GMDS: variants seen among roughly 807,000 people sequenced by gnomAD.
The protein encoded by GMDS is GDP-mannose 4,6-dehydratase, also known as GDP-mannose 4,6 dehydratase.
Under a neutral mutation model 49.9 loss-of-function variants are expected in GMDS, and 20 were observed. The ratio of observed to expected loss-of-function variants is 0.40; its 90% CI spans 0.28 to 0.58. GMDS has a LOEUF of 0.58. GMDS is among the 20% of genes least tolerant of loss of function. GMDS has a pLI of 0.42. For missense variants in GMDS, 362 were observed against 481.4 expected (o/e 0.75, Z 2.32); for synonymous variants, 177 against 178.6 (o/e 0.99, Z 0.07).
intron 4 of GMDS, among the ~76,000 whole-genome samples, chr6:2,114,209 G>A (rs1337048011): frequency 6.6e-6 from 1 of 152,154 alleles, no homozygotes; most frequent in African/African-American, 2.4e-5. Context: ...GCTCCTAGAG[G>A]TGATAAACTA....
intron 1 of GMDS, among the ~76,000 whole-genome samples, chr6:2,181,335 T>C (rs1778521104): frequency 6.6e-6 from 1 of 152,212 alleles, no homozygotes; most frequent in Non-Finnish European, 1.5e-5. Context: ...AGATGGCATC[T>C]GTATTCACCC....
chr6:1,650,207 A>C (rs1431488431), intron 9 of GMDS, among the ~76,000 whole-genome samples: 2 of 152,000 alleles, frequency 1.3e-5, no homozygotes, highest in African/African-American at 4.8e-5. Context: ...TCGTACCAAG[A>C]GTTTTAACTT....
At chr6:2,201,952 A>C (rs1779559155) in intron 1 of GMDS, among the ~76,000 whole-genome samples, 2 of 131,990 alleles carry the variant, frequency 1.5e-5, no homozygotes, top group East Asian at 2.4e-4. Context: ...CCGAGATGAA[A>C]CCATCTAGGC....
chr6:2,058,399 T>TA (rs1199781990), intron 4 of GMDS, among the ~76,000 whole-genome samples: 2 of 148,148 alleles, frequency 1.3e-5, no homozygotes, highest in Non-Finnish European at 3.0e-5. Flanking sequence ...AAAATGTCCC[T>TA]AAAAAAGATA....
intron 7 of GMDS, among the ~76,000 whole-genome samples, chr6:1,827,322 CGTTTTAGAAAACCTGT>C (rs1561830896): frequency 6.6e-5 from 10 of 150,782 alleles, no homozygotes; most frequent in East Asian, 3.9e-4. Context: ...TATATACACA[CGTTTTAGAAAACCTGT>C]ATATACACAC....
chr6:1,993,519 A>G (rs1049542333), intron 4 of GMDS, among the ~76,000 whole-genome samples: 3 of 152,250 alleles, frequency 2.0e-5, no homozygotes, highest in South Asian at 4.1e-4. Context: ...CTGCTAAAAG[A>G]AAAAAGAAAA....
chr6:2,007,689 T>C (rs1174412449), intron 4 of GMDS, among the ~76,000 whole-genome samples: 1 of 152,218 alleles, frequency 6.6e-6, no homozygotes, highest in Non-Finnish European at 1.5e-5. Context: ...GTTTCCTCAC[T>C]ATGTTCTCAA....
rs373980325 is a variant in GMDS, at chr6:1,853,474, C to A, written c.771+76629G>T. Among the ~76,000 whole-genome samples the A allele has an allele frequency of 6.7e-4, 96 of 142,358 alleles. 2 individuals carry two copies. In the East Asian group the frequency reaches 0.017, roughly 25 times the overall value. The allele number at this position is 142,358 out of a possible 152,430, so 93.4% of individuals were successfully genotyped here. A position where few individuals can be genotyped will look rare whatever the true frequency, so the allele number is the denominator to read the frequency against. On this transcript the variant is annotated intron_variant, in intron 7 of 10. Transcript: ENST00000380815. ...CGGAGCTTGCAGTGAGCTGAGATCG[C>A]GCCACTGCACTCCAGCCTGGGCGAC...
intron 7 of GMDS, among the ~76,000 whole-genome samples, chr6:1,853,928 A>G (rs1212718456): frequency 6.6e-6 from 1 of 152,146 alleles, no homozygotes; most frequent in African/African-American, 2.4e-5. Flanking sequence ...CTTCCCCTCC[A>G]TGGTCCTTTA....
intron 7 of GMDS, among the ~76,000 whole-genome samples, chr6:1,929,335 G>C (rs909834996): frequency 6.6e-6 from 1 of 152,254 alleles, no homozygotes; most frequent in Non-Finnish European, 1.5e-5. Flanking sequence ...AAAGGACAAT[G>C]TCTCTACCAT....
intron 4 of GMDS, among the ~76,000 whole-genome samples, chr6:2,051,256 A>C (rs1770378545): frequency 6.6e-6 from 1 of 152,248 alleles, no homozygotes; most frequent in Admixed American, 6.5e-5. Context: ...TGTTGGCTTC[A>C]GGTCTCCTGT....
chr6:1,927,968 T>C (rs1762105867), intron 7 of GMDS, among the ~76,000 whole-genome samples: 1 of 152,228 alleles, frequency 6.6e-6, no homozygotes, highest in African/African-American at 2.4e-5. Flanking sequence ...ACTATCAAAA[T>C]CTATTAGATT....
At chr6:2,238,157 C>G (rs933084270) in intron 1 of GMDS, among the ~76,000 whole-genome samples, 2 of 151,298 alleles carry the variant, frequency 1.3e-5, no homozygotes, top group African/African-American at 4.9e-5. Context: ...GAGGCCAAGA[C>G]CAGAGGATTG....
intron 4 of GMDS, chr6:2,043,430 T>C (rs946038492): frequency 5.9e-5 from 9 of 152,344 alleles, no homozygotes; most frequent in African/African-American, 1.9e-4. Flanking sequence ...GCCAGAGCAC[T>C]GGGAGCCACA....
intron 4 of GMDS, among the ~76,000 whole-genome samples, chr6:2,020,617 T>C (rs1041228472): frequency 2.0e-5 from 3 of 151,894 alleles, no homozygotes; most frequent in African/African-American, 7.2e-5. Context: ...CAGAGGCATA[T>C]TTTTTTTAAA....
At chr6:1,705,996 T>G (rs1173082945) in intron 9 of GMDS, among the ~76,000 whole-genome samples, 4 of 152,152 alleles carry the variant, frequency 2.6e-5, no homozygotes, top group Admixed American at 6.5e-5. Context: ...GTGAGTTGAA[T>G]TCGTCATTGT....
At chr6:1,852,034 C>T (rs1757699185) in intron 7 of GMDS, among the ~76,000 whole-genome samples, 1 of 152,164 alleles carries the variant, frequency 6.6e-6, no homozygotes, top group Admixed American at 6.5e-5. Flanking sequence ...CTGAAGGGAG[C>T]GAGAAAGAGA....
At chr6:1,737,750 A>G (rs1396653705) in intron 8 of GMDS, among the ~76,000 whole-genome samples, 1 of 119,052 alleles carries the variant, frequency 8.4e-6, no homozygotes, top group Non-Finnish European at 2.1e-5. Flanking sequence ...ATACACATAC[A>G]CATACACACA....
At chr6:1,958,914 C>A (rs1162951018) in intron 6 of GMDS, among the ~76,000 whole-genome samples, 1 of 152,158 alleles carries the variant, frequency 6.6e-6, no homozygotes, top group Admixed American at 6.5e-5. Context: ...TTCAGTAAAT[C>A]AGAAGTAATG....
Sources: allele counts gnomAD v4.1 joint callset (sites outside exome capture counted in the v4.1 genomes callset), GRCh38; gene constraint gnomAD v4.1.1; transcripts MANE v1.5; gene names NCBI Gene and HGNC (gene_info 2026-07-23, HGNC 2026-07-21).